CCDC88C: variants seen among roughly 807,000 people sequenced by gnomAD.
CCDC88C encodes the protein coiled-coil and HOOK domain protein 88C.
CCDC88C carries 131 observed loss-of-function variants against 198.8 expected under a neutral mutation model. That is an observed-to-expected ratio of 0.66 (90% CI 0.57 to 0.76). CCDC88C has a LOEUF of 0.76. Ranked by LOEUF, CCDC88C falls within the 30% of genes least tolerant of loss-of-function variation. The probability of loss-of-function intolerance (pLI) is 0.00; values close to 1 mark genes in which losing one functional copy is unlikely to be tolerated. For synonymous variants in CCDC88C, 1,166 were observed against 1,114.7 expected (o/e 1.05, Z -0.92); for missense variants, 2,553 against 2,631.6 (o/e 0.97, Z 0.65).
At chr14:91,406,809 G>A (rs1332479287) in intron 3 of CCDC88C, among the ~76,000 whole-genome samples, 3 of 152,188 alleles carry the variant, frequency 2.0e-5, no homozygotes, top group African/African-American at 4.8e-5. Context: ...CGAGGGAGAC[G>A]CCAGCAGAAA....
chr14:91,337,721 CG>C (rs1180843309), intron 10 of CCDC88C, among the ~76,000 whole-genome samples: 3 of 152,224 alleles, frequency 2.0e-5, no homozygotes, highest in African/African-American at 7.2e-5. Context: ...AAGACGCACA[CG>C]GATAGAAGGT....
At chr14:91,303,312 G>GCTCCAGGCTCCACCTCTC (rs577963700) in intron 20 of CCDC88C, among the ~76,000 whole-genome samples, 1 of 146,866 alleles carries the variant, frequency 6.8e-6, no homozygotes, top group Non-Finnish European at 1.5e-5. Context: ...CCCCACCTCT[G>GCTCCAGGCTCCACCTCTC]CTCCAGGCTC....
intron 1 of CCDC88C, 56 bp downstream of exon 1, chr14:91,417,575 C>G: frequency 6.6e-7 from 1 of 1,512,768 alleles, no homozygotes; most frequent in African/African-American, 1.4e-5. Context: ...GTCCCGTCGC[C>G]GGGCTAGAGA....
intron 3 of CCDC88C, among the ~76,000 whole-genome samples, chr14:91,400,516 G>A (rs532024227): frequency 1.8e-4 from 28 of 152,314 alleles, no homozygotes; most frequent in African/African-American, 5.8e-4. Flanking sequence ...CTGGACTCCC[G>A]GCCACAGCCA....
At chr14:91,383,712 C>A (rs1369857045) in intron 3 of CCDC88C, among the ~76,000 whole-genome samples, 1 of 152,180 alleles carries the variant, frequency 6.6e-6, no homozygotes, top group Non-Finnish European at 1.5e-5. Flanking sequence ...AAAGCAAGCA[C>A]TGGGAAAAGA....
chr14:91,303,196 C>T (rs1440869259), intron 20 of CCDC88C, among the ~76,000 whole-genome samples: 2 of 151,868 alleles, frequency 1.3e-5, no homozygotes, highest in Non-Finnish European at 2.9e-5. Flanking sequence ...TACCCAGGGG[C>T]CCCACCTCCA....
At chr14:91,289,364 AG>A (rs1463454570) in intron 24 of CCDC88C, 21 bp from the exon 25 acceptor site, 1 of 1,607,568 alleles carries the variant, frequency 6.2e-7, no homozygotes, top group African/African-American at 1.3e-5. Flanking sequence ...GTAGATGTTT[AG>A]GACATAGCCA....
chr14:91,353,462 G>A (rs908932749), intron 4 of CCDC88C, among the ~76,000 whole-genome samples: 18 of 152,146 alleles, frequency 1.2e-4, no homozygotes, highest in Non-Finnish European at 2.1e-4. Flanking sequence ...GAGCAGAGGC[G>A]GCCTGTTCAT....
At chr14:91,343,730 GAA>G in intron 4 of CCDC88C, 73 bp from the exon 5 acceptor site, 1 of 1,566,864 alleles carries the variant, frequency 6.4e-7, no homozygotes, top group Admixed American at 1.8e-5. Flanking sequence ...TTACCGTAGG[GAA>G]AAAACAGATA....
At chr14:91,394,356 A>G (rs945708586) in intron 3 of CCDC88C, among the ~76,000 whole-genome samples, 6 of 152,122 alleles carry the variant, frequency 3.9e-5, no homozygotes, top group African/African-American at 1.2e-4. Flanking sequence ...TTTACCCTCT[A>G]AACAGTCAGG....
chr14:91,417,498 G>A (rs1319125417), intron 1 of CCDC88C, 133 bp downstream of exon 1: 2 of 697,122 alleles, frequency 2.9e-6, no homozygotes. Context: ...ACCCCGGCCG[G>A]GAGCCACTTG....
In CCDC88C at chr14:91,416,849, G is replaced by A. The variant is rs1176434654; in HGVS notation, c.61-11C>T. 6.3e-7 allele frequency: 1 copy of A among 1,599,576 alleles called. No homozygotes were observed. Among genetic ancestry groups the A allele is most frequent in the Non-Finnish European group, 8.6e-7 (1 of 1,168,632 alleles). On this transcript the variant is annotated splice_polypyrimidine_tract_variant and intron_variant, in intron 1 of 29. Transcript: ENST00000389857. ...GCCAAAAGTTTTCACCTGCGGGGAG[G>A]GGGACGAGGAGAGAAAGACAGGAAG...
At chr14:91,324,208 G>T (rs1204989744) in intron 12 of CCDC88C, among the ~76,000 whole-genome samples, 1 of 152,228 alleles carries the variant, frequency 6.6e-6, no homozygotes, top group Admixed American at 6.5e-5. Flanking sequence ...ACCTCCTCTC[G>T]GGGCGCGGGG....
Position 91,408,856 on chromosome 14 carries a change from A to G in CCDC88C, c.162-89T>C, listed in dbSNP as rs557787273. Reference sequence around the variant, plus strand: ...GCCACGACCCAGCATCTTGTCCTCCAGTCCCTAGGTGACCATGAGGCTGTG... The same window carrying G: ...GCCACGACCCAGCATCTTGTCCTCCGGTCCCTAGGTGACCATGAGGCTGTG... On this transcript the variant is annotated intron_variant, in intron 2 of 29. Transcript: ENST00000389857. 3.7e-6 allele frequency: 3 copies of G among 809,578 alleles called. No individual in the cohort carries two copies. In the East Asian group the frequency reaches 7.8e-5, roughly 21 times the overall value. The allele number at this position is 809,578 out of a possible 1,614,324, so 50.1% of individuals were successfully genotyped here.
rs757102680 is a variant in CCDC88C, at chr14:91,303,749, T to C, written c.3587A>G (p.Lys1196Arg). 9 of 1,612,070 alleles carry C rather than the reference T, an allele frequency of 5.6e-6. No homozygotes were observed. In the African/African-American group the frequency reaches 1.2e-4, roughly 22 times the overall value. Residue 1196 changes from lysine to arginine, a missense_variant, in exon 20 of 30, where the codon AAG (lysine) becomes AGG (arginine). Physicochemically the swap from Lys to Arg is conservative, Grantham distance 26. Around this residue, in one of 2 missense-constraint regions of CCDC88C, gnomAD observed 1,293 missense variants for 1,219.6 expected, o/e 1.06. Transcript: ENST00000389857. ...CAGCTCCAGATTCCGATGCAGTGTC[T>C]TTAGGCAGCTGTGCTGGCGGATGAG... is the stretch of plus-strand genomic sequence containing the variant. ...EALIRQHSCL[K>R]TLHRNLELEH... is the part of the protein sequence containing the mutation.
chr14:91,285,738 A>G, intron 25 of CCDC88C: 1 of 1,289,118 alleles, frequency 7.8e-7, no homozygotes, highest in Non-Finnish European at 1.0e-6. Context: ...GAGGAAGACC[A>G]GAACCGCAGG....
chr14:91,395,456 C>T (rs1199042325), intron 3 of CCDC88C, among the ~76,000 whole-genome samples: 1 of 152,166 alleles, frequency 6.6e-6, no homozygotes, highest in African/African-American at 2.4e-5. Flanking sequence ...ACAGTGAACA[C>T]AAGCTTCTGG....
At chr14:91,275,618 C>A (rs964476753) in intron 29 of CCDC88C, among the ~76,000 whole-genome samples, 7 of 151,820 alleles carry the variant, frequency 4.6e-5, no homozygotes, top group Admixed American at 1.3e-4. Context: ...GCTGGGATCA[C>A]AGGCACCCAC....
rs1303005754 is a variant in CCDC88C at position 91,313,257 on chromosome 14, T to C, written c.2559A>G (p.Ala853=). 6.2e-7 allele frequency: 1 copy of C among 1,614,024 alleles called. No individual in the cohort carries two copies. Among genetic ancestry groups the C allele is most frequent in the South Asian group, 1.1e-5 (1 of 91,084 alleles). ...RLWQQVELKD[A]VLDDSTAKLS... is the part of the protein sequence containing the mutation. ...GTTTGGCAGTGCTATCGTCCAAGAC[T>C]GCATCCTTGAGCTCCACCTGCTGCC... The change falls in exon 15 of 30, where the codon GCA becomes GCG. Residue 853 remains alanine (A), a synonymous_variant. Coordinates refer to ENST00000389857, the MANE Select transcript of CCDC88C (RefSeq NM_001080414.4). This position sits in a 1 kb window ranked among gnomAD's most constrained non-coding sequence, Gnocchi z 5.2.
Sources: allele counts gnomAD v4.1 joint callset (sites outside exome capture counted in the v4.1 genomes callset), GRCh38; gene constraint gnomAD v4.1.1; regional missense constraint gnomAD v4.1.1; non-coding constraint Gnocchi (gnomAD v3.1); transcripts MANE v1.5; gene names NCBI Gene and HGNC (gene_info 2026-07-23, HGNC 2026-07-21).